The following FNIP2 variants were observed in gnomAD, a reference collection of about 807,000 sequenced individuals.
FNIP2 encodes the protein folliculin interacting protein 2, also known as folliculin-interacting protein 2.
In FNIP2, 32 loss-of-function variants were observed where a neutral mutation model predicts 108.7. That is an observed-to-expected ratio of 0.29 (90% confidence interval 0.22 to 0.40). The LOEUF is 0.40. Among genes scored for constraint, FNIP2 ranks in the 10% least tolerant of loss-of-function variants. FNIP2 has a pLI of 1.00. For synonymous variants in FNIP2, 480 were observed against 496.7 expected (o/e 0.97, Z 0.45); for missense variants, 1,202 against 1,381.6 (o/e 0.87, Z 2.06).
intron 1 of FNIP2, among the ~76,000 whole-genome samples, chr4:158,781,840 A>G (rs1048611248): frequency 1.8e-4 from 28 of 151,888 alleles, no homozygotes; most frequent in Non-Finnish European, 4.1e-4. Context: ...TTTGAATTCA[A>G]ACCTGACTCT....
intron 1 of FNIP2, among the ~76,000 whole-genome samples, chr4:158,781,281 T>TG (rs777413506): frequency 1.3e-5 from 2 of 151,998 alleles, no homozygotes; most frequent in Non-Finnish European, 2.9e-5. Flanking sequence ...TTCATAGAGG[T>TG]GAAAAACTTT....
intron 7 of FNIP2, chr4:158,836,644 CA>C (rs200077976): frequency 0.35 from 42,637 of 123,434 alleles, 6,696 homozygotes; most frequent in Non-Finnish European, 0.42. Flanking sequence ...ACTAAAAATA[CA>C]AAAAAAAAAA....
intron 14 of FNIP2, among the ~76,000 whole-genome samples, chr4:158,889,185 GTC>G (rs1051232160): frequency 1.3e-5 from 2 of 152,130 alleles, no homozygotes; most frequent in African/African-American, 4.8e-5. Flanking sequence ...GCAAGACCCT[GTC>G]TCTAAAAAAT....
chr4:158,833,581 A>C lies in FNIP2; in HGVS notation c.608A>C (p.Asn203Thr). 6.2e-7 allele frequency: 1 copy of C among 1,611,072 alleles called. No homozygotes were observed. The highest frequency in any genetic ancestry group is 1.7e-5 in the Admixed American group (1 of 59,588). Residue 203 changes from asparagine to threonine, a missense_variant, in exon 6 of 17, where the codon AAC (asparagine) becomes ACC (threonine). Around this residue, in one of 5 missense-constraint regions of FNIP2, gnomAD observed 878 missense variants for 990.3 expected, o/e 0.89. Coordinates refer to ENST00000264433, the MANE Select transcript of FNIP2 (RefSeq NM_020840.3). ...CAAGATCCTAATTTGGGAAAACTGA[A>C]CACAAATCAAAATAGTTTGGGTCCT... ...INQDPNLGKLNTNQNSLGPCR... is the reference protein window; with the variant it reads ...INQDPNLGKLTTNQNSLGPCR...
chr4:158,824,367 G>A (rs1321429648), intron 1 of FNIP2, among the ~76,000 whole-genome samples: 2 of 152,144 alleles, frequency 1.3e-5, no homozygotes. Context: ...TTTACAGTTT[G>A]CTTTTGTTAG....
Position 158,869,214 on chromosome 4 carries a change from C to A in FNIP2, c.2578C>A (p.Arg860=). The change falls in exon 13 of 17, where the codon CGG becomes AGG. Residue 860 remains arginine, a synonymous_variant. Coordinates refer to ENST00000264433, the MANE Select transcript of FNIP2 (RefSeq NM_020840.3). ...GCCTGTTGCCCCCAGGTGTGTCCAGCGGGGCCCTGGCCTCGTGGCTGGTGC... is the reference window on the plus strand; with the variant it reads ...GCCTGTTGCCCCCAGGTGTGTCCAGAGGGGCCCTGGCCTCGTGGCTGGTGC... ...LEPVAPRCVQ[R]GPGLVAGANI... 1 of 1,613,912 alleles carries A rather than the reference C, an allele frequency of 6.2e-7. No individual in the cohort carries two copies. The highest frequency in any genetic ancestry group is 8.5e-7 in the Non-Finnish European group (1 of 1,179,908).
At chr4:158,882,408 C>T (rs971909435) in intron 14 of FNIP2, among the ~76,000 whole-genome samples, 13 of 149,600 alleles carry the variant, frequency 8.7e-5, no homozygotes, top group African/African-American at 3.0e-4. Context: ...GCCACCACCC[C>T]GTCCGGGAGG....
intron 7 of FNIP2, chr4:158,835,995 T>C (rs1472616767): frequency 2.0e-5 from 3 of 152,482 alleles, no homozygotes; most frequent in Non-Finnish European, 4.4e-5. Flanking sequence ...GTGACCTCTT[T>C]TGAGTTTTGA....
chr4:158,771,501 T>G (rs1014599404), intron 1 of FNIP2, among the ~76,000 whole-genome samples: 2 of 152,242 alleles, frequency 1.3e-5, no homozygotes, highest in African/African-American at 2.4e-5. Flanking sequence ...GTATGTACTT[T>G]GAGGGGAACA....
intron 15 of FNIP2, among the ~76,000 whole-genome samples, chr4:158,894,382 G>C (rs1316728217): frequency 1.3e-5 from 2 of 152,044 alleles, no homozygotes; most frequent in Admixed American, 1.3e-4. Context: ...ATGTTGCCTA[G>C]GTTGGTCTTG....
At chr4:158,808,700 T>C (rs1777105021) in intron 1 of FNIP2, 1 of 152,236 alleles carries the variant, frequency 6.6e-6, no homozygotes, top group Non-Finnish European at 1.5e-5. Flanking sequence ...GTCCAAGTCA[T>C]ATGGCAGTCA....
rs1467678145 is a variant in FNIP2, at chr4:158,849,545, G to GT, written c.728-1775dup. On this transcript the variant is annotated intron_variant, in intron 7 of 16. Coordinates refer to ENST00000264433, the MANE Select transcript of FNIP2 (RefSeq NM_020840.3). ...AGGAGAGAGGCAGGACCCTAGAGAT[G>GT]TGGGAGGGGGCTTCTGGATTCTGTA... Among the ~76,000 whole-genome samples the GT allele has an allele frequency of 2.0e-5, 3 of 152,292 alleles. No homozygotes were observed. In the South Asian group the frequency reaches 6.2e-4, roughly 32 times the overall value.
chr4:158,795,131 T>C (rs2126461443), intron 1 of FNIP2, among the ~76,000 whole-genome samples: 1 of 152,378 alleles, frequency 6.6e-6, no homozygotes, highest in South Asian at 2.1e-4. Context: ...AATGCAGTCA[T>C]ATTTTTAAAT....
In FNIP2 at chr4:158,830,976, G is replaced by C. The variant is rs143122576; in HGVS notation, c.382-885G>C. ...TTGGTCTAGAGACAAAGATGTAGGAGGTATTCTATGTAAATAATAATCAAA... is the reference window on the plus strand; with the variant it reads ...TTGGTCTAGAGACAAAGATGTAGGACGTATTCTATGTAAATAATAATCAAA... On this transcript the variant is annotated intron_variant, in intron 3 of 16. Coordinates refer to ENST00000264433, the MANE Select transcript of FNIP2 (RefSeq NM_020840.3). Among the ~76,000 whole-genome samples, 870 of 152,240 alleles carry C rather than the reference G, an allele frequency of 5.7e-3. 10 individuals carry two copies. The highest frequency in any genetic ancestry group is 0.02 in the African/African-American group (819 of 41,544).
In FNIP2 at chr4:158,825,900, C is replaced by G; in HGVS notation, c.108-16C>G. On this transcript the variant is annotated splice_polypyrimidine_tract_variant and intron_variant, in intron 1 of 16. Transcript: ENST00000264433. ...CTGCAGATAACATAACTTCTTTTGC[C>G]CTTTTTAATCCACAGTTGGTCATGT... is the stretch of plus-strand genomic sequence containing the variant. 2 of 1,600,798 alleles carry G rather than the reference C, an allele frequency of 1.2e-6. No individual in the cohort carries two copies. Among genetic ancestry groups the G allele is most frequent in the Non-Finnish European group, 1.7e-6 (2 of 1,170,154 alleles).
rs573200397 is a variant in FNIP2 at position 158,843,117 on chromosome 4, A to T, written c.727+7641A>T. On this transcript the variant is annotated intron_variant, in intron 7 of 16. Coordinates refer to ENST00000264433, the MANE Select transcript of FNIP2 (RefSeq NM_020840.3). Reference sequence around the variant, plus strand: ...TAGTGTCATATTACAGTAAACAAAGATCATTATTGTGTTGTGGATGTAATA... The same window carrying T: ...TAGTGTCATATTACAGTAAACAAAGTTCATTATTGTGTTGTGGATGTAATA... Among the ~76,000 whole-genome samples, 28 of 152,296 alleles carry T rather than the reference A, an allele frequency of 1.8e-4. No homozygotes were observed. In the South Asian group the frequency reaches 2.1e-3, roughly 11 times the overall value.
chr4:158,870,536 A>T, intron 14 of FNIP2, 67 bp downstream of exon 14: 1 of 1,535,404 alleles, frequency 6.5e-7, no homozygotes, highest in African/African-American at 1.4e-5. Flanking sequence ...GGCTGACAAC[A>T]GGTGTTTAGA....
Position 158,869,090 on chromosome 4 carries a change from C to T in FNIP2, c.2454C>T (p.Asp818=). 1 of 1,614,002 alleles carries T rather than the reference C, an allele frequency of 6.2e-7. No homozygotes were observed. Among genetic ancestry groups the T allele is most frequent in the South Asian group, 1.1e-5 (1 of 91,082 alleles). Residue 818 remains aspartate (D), a synonymous_variant, in exon 13 of 17, where the codon GAC becomes GAT. Coordinates refer to ENST00000264433, the MANE Select transcript of FNIP2 (RefSeq NM_020840.3). ...DIAGQLSHAA[D]LGTASHGAGG... is the part of the protein sequence containing the mutation. ...CTGGGCAGCTCAGCCACGCTGCTGA[C>T]TTGGGCACAGCCTCCCACGGTGCAG...
Position 158,861,651 on chromosome 4 carries a change from C to T in FNIP2, c.1340C>T (p.Ala447Val). The change falls in exon 12 of 17, where the codon GCC becomes GTC. Residue 447 changes from alanine (A) to valine (V), a missense_variant. Physicochemically the swap from Ala to Val is moderately conservative, Grantham distance 64. Transcript: ENST00000264433. The stretch of plus-strand genomic sequence containing the variant: ...ACTGCGGTGTTAACCTACCACCTGG[C>T]CTGGGTCCCAACTGTCATGCCTGTG... ...LLTAVLTYHL[A>V]WVPTVMPVDH... 1 of 1,614,012 alleles carries T rather than the reference C, an allele frequency of 6.2e-7. No individual in the cohort carries two copies. The highest frequency in any genetic ancestry group is 8.5e-7 in the Non-Finnish European group (1 of 1,179,902).
Sources: allele counts gnomAD v4.1 joint callset (sites outside exome capture counted in the v4.1 genomes callset), GRCh38; gene constraint gnomAD v4.1.1; regional missense constraint gnomAD v4.1.1; transcripts MANE v1.5; gene names NCBI Gene and HGNC (gene_info 2026-07-23, HGNC 2026-07-21).